The following NPAS3 variants were observed in gnomAD, a reference collection of about 807,000 sequenced individuals.
NPAS3 encodes the protein neuronal PAS domain-containing protein 3.
In NPAS3, 14 loss-of-function variants were observed where a neutral mutation model predicts 73.1. The observed-to-expected ratio is 0.19, with a 90% CI of 0.13 to 0.30. NPAS3 has a LOEUF of 0.30. NPAS3 is among the 10% of genes least tolerant of loss of function. NPAS3 has a pLI of 1.00. For synonymous variants in NPAS3, 620 were observed against 541.5 expected (o/e 1.14, Z -2.01); for missense variants, 1,096 against 1,250.0 (o/e 0.88, Z 1.86).
intron 1 of NPAS3, among the ~76,000 whole-genome samples, chr14:32,971,252 T>C (rs916326438): frequency 6.6e-6 from 1 of 151,938 alleles, no homozygotes; most frequent in Non-Finnish European, 1.5e-5. Flanking sequence ...GCCTGGCTAA[T>C]TTTTGTATTT....
intron 3 of NPAS3, among the ~76,000 whole-genome samples, chr14:33,357,839 T>A (rs1180031388): frequency 6.6e-6 from 1 of 152,144 alleles, no homozygotes; most frequent in Non-Finnish European, 1.5e-5. Context: ...ATGTCACATG[T>A]CCTCACAACT....
chr14:33,511,093 T>G (rs1001973391), intron 4 of NPAS3, among the ~76,000 whole-genome samples: 1 of 152,084 alleles, frequency 6.6e-6, no homozygotes, highest in African/African-American at 2.4e-5. Flanking sequence ...TGAATGTTAT[T>G]TTTCTTCAAG....
intron 1 of NPAS3, among the ~76,000 whole-genome samples, chr14:32,976,764 T>A (rs2037696418): frequency 6.6e-6 from 1 of 152,180 alleles, no homozygotes; most frequent in African/African-American, 2.4e-5. Flanking sequence ...AGTAGAAGTA[T>A]CTGTGTGCTA....
At chr14:33,127,971 C>T (rs928568561) in intron 2 of NPAS3, among the ~76,000 whole-genome samples, 3 of 152,126 alleles carry the variant, frequency 2.0e-5, no homozygotes, top group Non-Finnish European at 2.9e-5. Context: ...TATTTGGCCT[C>T]GACTTGTGTT....
chr14:33,592,772 A>G (rs1253034340), intron 5 of NPAS3, among the ~76,000 whole-genome samples: 1 of 152,208 alleles, frequency 6.6e-6, no homozygotes, highest in African/African-American at 2.4e-5. Context: ...GGCTCTTTTT[A>G]GTAAGAGAAT....
At chr14:33,245,617 T>C (rs1295486422) in intron 3 of NPAS3, among the ~76,000 whole-genome samples, 1 of 152,332 alleles carries the variant, frequency 6.6e-6, no homozygotes, top group African/African-American at 2.4e-5. Context: ...GAATATGAAA[T>C]GGATATGCTC....
intron 3 of NPAS3, among the ~76,000 whole-genome samples, chr14:33,293,584 G>T (rs532032202): frequency 6.6e-6 from 1 of 152,282 alleles, no homozygotes; most frequent in South Asian, 2.1e-4. Context: ...CAATAATATG[G>T]TGGAAAGCCT....
At chr14:33,378,382 C>A (rs529590956) in intron 4 of NPAS3, among the ~76,000 whole-genome samples, 1 of 152,154 alleles carries the variant, frequency 6.6e-6, no homozygotes, top group African/African-American at 2.4e-5. Flanking sequence ...ACTCATCACA[C>A]CCACACACAT....
intron 3 of NPAS3, among the ~76,000 whole-genome samples, chr14:33,323,824 T>G (rs533986656): frequency 6.6e-6 from 1 of 152,230 alleles, no homozygotes; most frequent in Admixed American, 6.5e-5. Flanking sequence ...AATAAATCAT[T>G]CTGGTATAAA....
chr14:33,581,749 C>T (rs887653432), intron 5 of NPAS3, among the ~76,000 whole-genome samples: 1 of 151,930 alleles, frequency 6.6e-6, no homozygotes, highest in Non-Finnish European at 1.5e-5. Context: ...TTTTTTTGTA[C>T]TTTTAGTAGA....
intron 4 of NPAS3, among the ~76,000 whole-genome samples, chr14:33,477,821 T>C (rs748401290): frequency 6.6e-6 from 1 of 152,200 alleles, no homozygotes; most frequent in African/African-American, 2.4e-5. Flanking sequence ...GCTTCACTAT[T>C]TTTTGTAACT....
chr14:33,215,295 C>A, exon 3 of NPAS3: 1 of 1,563,302 alleles, frequency 6.4e-7, no homozygotes, highest in Non-Finnish European at 8.8e-7. Flanking sequence ...GCAGCCATTA[C>A]CAGCCAGCTC....
chr14:33,558,583 G>C (rs528133285), intron 4 of NPAS3, among the ~76,000 whole-genome samples: 1 of 151,450 alleles, frequency 6.6e-6, no homozygotes, highest in African/African-American at 2.4e-5. Context: ...TTATATATAC[G>C]TACATACATA....
intron 2 of NPAS3, among the ~76,000 whole-genome samples, chr14:33,135,582 C>A (rs1318555544): frequency 6.6e-6 from 1 of 151,958 alleles, no homozygotes; most frequent in Admixed American, 6.6e-5. Context: ...AGCTGAGCAG[C>A]TTTTTGCAAT....
At chr14:33,376,457 AGC>A (rs2046316727) in intron 4 of NPAS3, among the ~76,000 whole-genome samples, 1 of 152,174 alleles carries the variant, frequency 6.6e-6, no homozygotes, top group Non-Finnish European at 1.5e-5. Context: ...CCCAGAGGTG[AGC>A]CAGAACAAGT....
intron 4 of NPAS3, among the ~76,000 whole-genome samples, chr14:33,474,085 G>T (rs1412787666): frequency 6.6e-6 from 1 of 152,146 alleles, no homozygotes; most frequent in Admixed American, 6.5e-5. Context: ...ACCCCATAGG[G>T]AACGTTCGCT....
intron 1 of NPAS3, among the ~76,000 whole-genome samples, chr14:33,054,614 G>GT (rs10545642): frequency 1.5e-4 from 21 of 137,240 alleles, no homozygotes; most frequent in Non-Finnish European, 2.4e-4. Context: ...ACTTATCTGA[G>GT]TTTTTTTTTT....
Position 33,454,198 on chromosome 14 carries a change from T to C in NPAS3, c.468+86930T>C, listed in dbSNP as rs184519080. On this transcript the variant is annotated intron_variant, in intron 4 of 11. Transcript: ENST00000356141. Reference sequence around the variant, plus strand: ...ATGTTTTCTATATTTACAGTGCCAGTAAGTGTATATTAATGCCAAGTCAGC... The same window carrying C: ...ATGTTTTCTATATTTACAGTGCCAGCAAGTGTATATTAATGCCAAGTCAGC... 9.8e-5 allele frequency among the ~76,000 whole-genome samples: 15 copies of C among 152,370 alleles called. 1 individual carries two copies. In the East Asian group the frequency reaches 1.3e-3, roughly 14 times the overall value.
At chr14:33,483,340 C>G (rs10130559) in intron 4 of NPAS3, among the ~76,000 whole-genome samples, 24,636 of 152,026 alleles carry the variant, frequency 0.16, 2,500 homozygotes, top group African/African-American at 0.29. Context: ...TTGTCTCCAC[C>G]CGTGGGTTTT....
Sources: gnomAD v4.1 joint callset for allele counts (sites outside exome capture counted in the v4.1 genomes callset) on GRCh38, gnomAD v4.1.1 for gene constraint, MANE v1.5 for transcripts, NCBI Gene and HGNC (gene_info 2026-07-23, HGNC 2026-07-21) for gene names.